PCLO: variants seen among roughly 807,000 people sequenced by gnomAD.
PCLO encodes the protein protein piccolo.
Under a neutral mutation model 427.5 loss-of-function variants are expected in PCLO, and 82 were observed. The ratio of observed to expected loss-of-function variants is 0.19; its 90% CI spans 0.16 to 0.23. The LOEUF (loss-of-function observed/expected upper bound fraction) is 0.23, where lower values mean the gene tolerates loss of function less well. Ranked by LOEUF, PCLO falls within the 10% of genes least tolerant of loss-of-function variation. The pLI is 1.00. For synonymous variants in PCLO, 2,357 were observed against 2,155.4 expected (o/e 1.09, Z -2.59); for missense variants, 6,239 against 6,115.9 (o/e 1.02, Z -0.67).
At chr7:82,809,073 A>G (rs1270211606) in intron 20 of PCLO, among the ~76,000 whole-genome samples, 1 of 151,954 alleles carries the variant, frequency 6.6e-6, no homozygotes, top group African/African-American at 2.4e-5. Flanking sequence ...CAAGAAATAA[A>G]ACATCAATTC....
chr7:82,836,772 G>T (rs564111636), intron 15 of PCLO, among the ~76,000 whole-genome samples: 1 of 152,106 alleles, frequency 6.6e-6, no homozygotes, highest in Non-Finnish European at 1.5e-5. Context: ...GAATCTCAAA[G>T]AAATTGGTGA....
In PCLO at chr7:83,162,783, C is replaced by T. The variant is rs115892432; in HGVS notation, c.-191G>A. The T allele has an allele frequency of 4.0e-3, 2,742 of 679,806 alleles. 90 individuals are homozygous for T. In the African/African-American group the frequency reaches 0.047, roughly 12 times the overall value. 42.1% of individuals were successfully genotyped at this position (679,806 alleles called of 1,614,324 possible). ...GTTAGTCCCGCTCGCAGGTAACGCC[C>T]GCTGCCGGTGCCTCCTCCATGTTGG... On this transcript the variant is annotated 5_prime_UTR_variant, in exon 1 of 25. Coordinates refer to ENST00000333891, the MANE Select transcript of PCLO (RefSeq NM_033026.6).
chr7:83,130,975 AG>A (rs1584064361), intron 3 of PCLO, among the ~76,000 whole-genome samples: 2 of 152,332 alleles, frequency 1.3e-5, no homozygotes, highest in South Asian at 2.1e-4. Context: ...AGCTTAGAAA[AG>A]GGTGCTATCA....
intron 9 of PCLO, among the ~76,000 whole-genome samples, chr7:82,890,753 A>G (rs922508533): frequency 1.4e-4 from 22 of 152,064 alleles, no homozygotes; most frequent in Admixed American, 7.2e-4. Context: ...CTGAATATAA[A>G]TCTCTGAATA....
chr7:83,095,960 AT>A (rs767247483), intron 3 of PCLO, among the ~76,000 whole-genome samples: 45 of 152,072 alleles, frequency 3.0e-4, no homozygotes, highest in African/African-American at 1.1e-3. Flanking sequence ...CTTACAAATA[AT>A]TTTTTTCTCT....
chr7:82,811,561 T>C (rs1335495755), intron 20 of PCLO, among the ~76,000 whole-genome samples: 2 of 151,700 alleles, frequency 1.3e-5, no homozygotes, highest in South Asian at 2.1e-4. Context: ...CCTTGAATTA[T>C]GTACAATCAC....
chr7:83,091,433 TC>T (rs1398244712), intron 3 of PCLO, among the ~76,000 whole-genome samples: 1 of 152,056 alleles, frequency 6.6e-6, no homozygotes, highest in African/African-American at 2.4e-5. Flanking sequence ...TAAAGTTTTT[TC>T]CCCAGTACTT....
At chr7:82,968,517 C>CTTTTT (rs11324005) in intron 3 of PCLO, among the ~76,000 whole-genome samples, 1 of 73,226 alleles carries the variant, frequency 1.4e-5, no homozygotes, top group Non-Finnish European at 2.9e-5. Flanking sequence ...CAGAGTCTGA[C>CTTTTT]TTTTTTTTTT....
chr7:82,955,325 T>C lies in PCLO; in HGVS notation c.5628A>G (p.Lys1876=). ...TATAAACTTTTTGTACTTCTATTATTTTTTCCGGGCTTATTTCAAAACCTT... is the reference window on the plus strand; with the variant it reads ...TATAAACTTTTTGTACTTCTATTATCTTTTCCGGGCTTATTTCAAAACCTT... ...DPEGFEISPE[K]IIEVQKVYKL... Residue 1876 remains lysine, a synonymous_variant, in exon 5 of 25, where the codon AAA becomes AAG. Transcript: ENST00000333891. 6.2e-7 allele frequency: 1 copy of C among 1,613,620 alleles called. No homozygotes were observed. Among genetic ancestry groups the C allele is most frequent in the Non-Finnish European group, 8.5e-7 (1 of 1,179,764 alleles).
rs746092832 is a variant in PCLO, at chr7:82,822,597, G to A, written c.14689C>T (p.Arg4897Cys). 1 of 1,613,782 alleles carries A rather than the reference G, an allele frequency of 6.2e-7. No individual in the cohort carries two copies. Among genetic ancestry groups the A allele is most frequent in the Non-Finnish European group, 8.5e-7 (1 of 1,179,798 alleles). The change falls in exon 20 of 25, where the codon CGC (arginine) becomes TGC (cysteine). Residue 4897 changes from arginine to cysteine, a missense_variant. Transcript: ENST00000333891. ...GTGACGCTGGTTTTGCTTTGACTGC[G>A]AGATGGTCCATGAGAACGGAGATGG... ...EGHLRSHGPS[R>C]SQSKTSVTQT...
chr7:83,035,554 T>C (rs2116170638), intron 3 of PCLO, among the ~76,000 whole-genome samples: 1 of 152,264 alleles, frequency 6.6e-6, no homozygotes, highest in Non-Finnish European at 1.5e-5. Context: ...TTATGTCCAT[T>C]AGAAACTCAT....
At position 82,845,284 on chromosome 7, in the gene PCLO, T is replaced by C. The variant is rs755070581; in HGVS notation, c.14033A>G (p.His4678Arg). Residue 4678 changes from histidine to arginine, a missense_variant, in exon 13 of 25, where the codon CAC (histidine) becomes CGC (arginine). Physicochemically the swap from His to Arg is conservative, Grantham distance 29. Transcript: ENST00000333891. ...PGSPSVSKKK[H>R]GSSKPTDGTK... is the part of the protein sequence containing the mutation. ...AACAATCCTCACCTTGCTGCTGCCG[T>C]GCTTCTTTTTGCTCACTGAGGGGGA... 13 of 1,613,060 alleles carry C rather than the reference T, an allele frequency of 8.1e-6. No homozygotes were observed. The highest frequency in any genetic ancestry group is 3.3e-5 in the Admixed American group (2 of 59,904).
intron 3 of PCLO, among the ~76,000 whole-genome samples, chr7:83,014,961 G>A (rs1216125642): frequency 6.6e-6 from 1 of 152,072 alleles, no homozygotes; most frequent in East Asian, 1.9e-4. Context: ...TGCGCCAGGT[G>A]CTAAGTGCTT....
intron 3 of PCLO, among the ~76,000 whole-genome samples, chr7:82,969,886 T>G (rs1252932670): frequency 1.3e-5 from 2 of 152,074 alleles, no homozygotes; most frequent in African/African-American, 4.8e-5. Context: ...AGGTTTGGCC[T>G]TAAAATAGAT....
intron 6 of PCLO, among the ~76,000 whole-genome samples, chr7:82,927,435 C>T (rs1341768238): frequency 6.6e-6 from 1 of 152,120 alleles, no homozygotes; most frequent in Non-Finnish European, 1.5e-5. Flanking sequence ...AATTTTCAGT[C>T]TGGAGCCTTG....
chr7:83,143,496 A>G (rs76201934), intron 2 of PCLO, among the ~76,000 whole-genome samples: 3,368 of 152,174 alleles, frequency 0.022, 78 homozygotes, highest in South Asian at 0.092. Context: ...GTAATTCAGT[A>G]GCCATAAACA....
chr7:83,055,690 C>A (rs922555025), intron 3 of PCLO, among the ~76,000 whole-genome samples: 1 of 152,046 alleles, frequency 6.6e-6, no homozygotes, highest in East Asian at 1.9e-4. Context: ...AAAATTATTG[C>A]TGAATATATT....
In PCLO at chr7:82,760,867, C is replaced by T; in HGVS notation, c.15143-83G>A. The T allele has an allele frequency of 1.4e-5, 7 of 484,692 alleles. No homozygotes were observed. In the South Asian group the frequency reaches 1.4e-4, roughly 10 times the overall value. The allele number at this position is 484,692 out of a possible 1,614,324, so 30.0% of individuals were successfully genotyped here. On this transcript the variant is annotated intron_variant, in intron 23 of 24. Transcript: ENST00000333891. ...GAATTATAACTGTATACTGAGAGTT[C>T]TTGTTACATTTTGCACAAAGCCAGC...
intron 4 of PCLO, among the ~76,000 whole-genome samples, chr7:82,964,883 A>C (rs1024273932): frequency 6.6e-6 from 1 of 152,184 alleles, no homozygotes; most frequent in Non-Finnish European, 1.5e-5. Context: ...TGTAAAGAAA[A>C]CACAATTGAA....
Sources: gnomAD v4.1 joint callset for allele counts (sites outside exome capture counted in the v4.1 genomes callset) on GRCh38, gnomAD v4.1.1 for gene constraint, MANE v1.5 for transcripts, NCBI Gene and HGNC (gene_info 2026-07-23, HGNC 2026-07-21) for gene names.